The following DOCK4 variants were observed in gnomAD, a reference collection of about 807,000 sequenced individuals.
DOCK4 encodes the protein dedicator of cytokinesis protein 4.
DOCK4 carries 97 observed loss-of-function variants against 268.1 expected under a neutral mutation model. The ratio of observed to expected loss-of-function variants is 0.36; its 90% CI spans 0.31 to 0.43. The LOEUF (loss-of-function observed/expected upper bound fraction) is 0.43, where lower values mean the gene tolerates loss of function less well. Ranked by LOEUF, DOCK4 falls within the 20% of genes least tolerant of loss-of-function variation. The pLI is 1.00. For synonymous variants in DOCK4, 954 were observed against 887.2 expected, an observed-to-expected ratio of 1.08 and a Z score of -1.34; for missense variants, 2,145 against 2,455.7, an observed-to-expected ratio of 0.87 and a Z score of 2.67.
At chr7:111,988,980 C>A in intron 6 of DOCK4, 35 bp downstream of exon 6, 1 of 1,580,878 alleles carries the variant, frequency 6.3e-7, no homozygotes, top group Non-Finnish European at 8.6e-7. Flanking sequence ...TTGTGTTCAC[C>A]TACTAGAGGC....
chr7:112,192,042 G>GTA (rs1820001062), intron 1 of DOCK4, among the ~76,000 whole-genome samples: 1 of 147,254 alleles, frequency 6.8e-6, no homozygotes, highest in Non-Finnish European at 1.5e-5. Flanking sequence ...TTTAAATATA[G>GTA]TATATATACA....
chr7:112,087,015 A>C (rs1364774679), intron 1 of DOCK4, among the ~76,000 whole-genome samples: 1 of 152,136 alleles, frequency 6.6e-6, no homozygotes, highest in Non-Finnish European at 1.5e-5. Flanking sequence ...AAGAAAAGAC[A>C]GAAAAACTGA....
chr7:112,151,483 C>T lies in DOCK4; in HGVS notation c.37+54619G>A, dbSNP rs1351054801. On this transcript the variant is annotated intron_variant, in intron 1 of 52. Transcript: ENST00000428084. ...TCACACAGCTAGGGTAAGAAAAAAT[C>T]CATTTAATTTTTAGTTCACTGTGAA... Among the ~76,000 whole-genome samples the T allele has an allele frequency of 3.3e-5, 5 of 152,070 alleles. No individual in the cohort carries two copies. In the South Asian group the frequency reaches 8.3e-4, roughly 25 times the overall value.
intron 1 of DOCK4, among the ~76,000 whole-genome samples, chr7:112,038,427 TC>T (rs1265976199): frequency 6.6e-6 from 1 of 152,196 alleles, no homozygotes; most frequent in Non-Finnish European, 1.5e-5. Context: ...GACTTTTGAG[TC>T]CTCAAAATCT....
intron 32 of DOCK4, among the ~76,000 whole-genome samples, chr7:111,785,766 C>T (rs1799122057): frequency 2.0e-5 from 3 of 152,146 alleles, no homozygotes. Flanking sequence ...TATAATAATG[C>T]CCATGTGCCC....
chr7:111,947,214 T>A (rs188935165), intron 8 of DOCK4, among the ~76,000 whole-genome samples: 1 of 152,204 alleles, frequency 6.6e-6, no homozygotes, highest in Admixed American at 6.5e-5. Context: ...CCTTAAATAA[T>A]GGTTCTGTCA....
Position 111,863,475 on chromosome 7 carries a change from G to C in DOCK4, c.2370C>G (p.Thr790=), listed in dbSNP as rs1175189253. 8 of 1,613,792 alleles carry C rather than the reference G, an allele frequency of 5.0e-6. No homozygotes were observed. In the Admixed American group the frequency reaches 1.2e-4, roughly 24 times the overall value. Residue 790 remains threonine, a synonymous_variant, in exon 23 of 53, where the codon ACC becomes ACG. Transcript: ENST00000428084. ...GCAGGATGGTCGGCAGACTGCCCAG[G>C]GTGTCCTGGACCAAGTTGGCTACTT... The part of the protein sequence containing the change: ...VREVANLVQD[T]LGSLPTILHV...
At chr7:112,146,801 A>G (rs1815551784) in intron 1 of DOCK4, among the ~76,000 whole-genome samples, 1 of 152,166 alleles carries the variant, frequency 6.6e-6, no homozygotes, top group Admixed American at 6.5e-5. Context: ...TCTTCATCCC[A>G]TCTAATTTCT....
intron 1 of DOCK4, among the ~76,000 whole-genome samples, chr7:112,043,683 A>C (rs894040379): frequency 1.3e-5 from 2 of 151,936 alleles, no homozygotes; most frequent in Non-Finnish European, 2.9e-5. Context: ...AATGTCAGGG[A>C]ATGAACAGGC....
At chr7:111,747,190 G>C in intron 43 of DOCK4, 77 bp downstream of exon 43, 1 of 1,436,028 alleles carries the variant, frequency 7.0e-7, no homozygotes. Context: ...TGGGTACATA[G>C]TCTGAAAAAA....
intron 1 of DOCK4, among the ~76,000 whole-genome samples, chr7:112,161,133 G>A (rs1028423510): frequency 1.3e-5 from 2 of 152,086 alleles, no homozygotes; most frequent in African/African-American, 4.8e-5. Context: ...CCTGGCGACC[G>A]CTAGTCAGTC....
At chr7:111,859,564 T>A (rs1805310842) in intron 23 of DOCK4, among the ~76,000 whole-genome samples, 1 of 44,312 alleles carries the variant, frequency 2.3e-5, no homozygotes, top group Non-Finnish European at 3.9e-5. Flanking sequence ...GTGTGTTAAT[T>A]TTTTTTTTTT....
intron 1 of DOCK4, among the ~76,000 whole-genome samples, chr7:112,036,849 A>T (rs1803832916): frequency 6.6e-6 from 1 of 151,780 alleles, no homozygotes; most frequent in Admixed American, 6.6e-5. Flanking sequence ...TTAGTAAAGA[A>T]GGGGTTTCAC....
chr7:111,909,797 C>T (rs1791936983), intron 13 of DOCK4, among the ~76,000 whole-genome samples: 1 of 151,826 alleles, frequency 6.6e-6, no homozygotes, highest in Non-Finnish European at 1.5e-5. Context: ...TCTGATTTCT[C>T]CAAATAATAA....
At chr7:111,740,631 G>C (rs2133430027) in intron 47 of DOCK4, among the ~76,000 whole-genome samples, 1 of 147,634 alleles carries the variant, frequency 6.8e-6, no homozygotes, top group South Asian at 2.2e-4. Flanking sequence ...TACTCACGAG[G>C]CTGAGGCACG....
chr7:112,010,498 A>G (rs1303836866), intron 1 of DOCK4, among the ~76,000 whole-genome samples: 1 of 152,168 alleles, frequency 6.6e-6, no homozygotes, highest in East Asian at 1.9e-4. Context: ...GACTACGTGG[A>G]GATGAAGTGG....
Position 111,915,870 on chromosome 7 carries a change from G to A in DOCK4, c.1101C>T (p.Asp367=), listed in dbSNP as rs756595108. The A allele has an allele frequency of 6.2e-6, 10 of 1,612,280 alleles. No homozygotes were observed. Among genetic ancestry groups the A allele is most frequent in the Non-Finnish European group, 7.6e-6 (9 of 1,179,230 alleles). The part of the protein sequence containing the change: ...LAVSLQLLHG[D]IEQIRREYSS... ...AATATTCCCTTCTGATTTGTTCAAT[G>A]TCTCCGTGCAATAGCTGTAAGGAAA... The change falls in exon 13 of 53, where the codon GAC becomes GAT. Residue 367 remains aspartate (D), a synonymous_variant. Coordinates refer to ENST00000428084, the MANE Select transcript of DOCK4 (RefSeq NM_001363540.2).
intron 6 of DOCK4, among the ~76,000 whole-genome samples, chr7:111,987,765 T>C (rs1445953823): frequency 2.0e-5 from 3 of 152,186 alleles, no homozygotes; most frequent in African/African-American, 7.2e-5. Context: ...TTGCTTCAGG[T>C]CCTAAGAAAG....
rs984946687 is a variant in DOCK4 at position 111,804,662 on chromosome 7, C to T, written c.3166+4159G>A. 5.3e-4 allele frequency among the ~76,000 whole-genome samples: 80 copies of T among 151,976 alleles called. 1 individual carries two copies. The highest frequency in any genetic ancestry group is 1.7e-3 in the African/African-American group (70 of 41,446). On this transcript the variant is annotated intron_variant, in intron 30 of 52. Transcript: ENST00000428084. ...TCCCCCATGCTGGAGTGCAATGGCG[C>T]GATCTTGGCTCACTGCAACCTCTGC...
Sources: gnomAD v4.1 joint callset for allele counts (sites outside exome capture counted in the v4.1 genomes callset) on GRCh38, gnomAD v4.1.1 for gene constraint, MANE v1.5 for transcripts, NCBI Gene and HGNC (gene_info 2026-07-23, HGNC 2026-07-21) for gene names.